Variants in PREX2 observed in about 807,000 individuals in gnomAD.
PREX2 encodes the protein phosphatidylinositol-3,4,5-trisphosphate dependent Rac exchange factor 2.
Under a neutral mutation model 203.2 loss-of-function variants are expected in PREX2, and 107 were observed. The ratio of observed to expected loss-of-function variants is 0.53; its 90% confidence interval spans 0.45 to 0.62. The LOEUF (loss-of-function observed/expected upper bound fraction) is 0.62. Among genes scored for constraint, PREX2 ranks in the 20% least tolerant of loss-of-function variants. The pLI is 0.00. For missense variants in PREX2, 1,777 were observed against 1,955.9 expected (o/e 0.91, Z 1.72); for synonymous variants, 672 against 663.6 (o/e 1.01, Z -0.19).
At chr8:67,988,326 G>A (rs1806496355) in intron 1 of PREX2, among the ~76,000 whole-genome samples, 2 of 152,320 alleles carry the variant, frequency 1.3e-5, no homozygotes, top group Middle Eastern at 3.4e-3. Context: ...ACTGGACTTT[G>A]AAACCAATTT....
At chr8:68,174,841 G>T (rs1223569066) in intron 35 of PREX2, among the ~76,000 whole-genome samples, 1 of 152,188 alleles carries the variant, frequency 6.6e-6, no homozygotes. Context: ...AACAGAGGCA[G>T]GTTCTTGACT....
rs1156549609 is a variant in PREX2, at chr8:67,961,600, A to G, written c.141+9065A>G. ...CACTTTTTCCCTGGTATTGAACATA[A>G]CTATTCACATGATGATACATCTAAT... On this transcript the variant is annotated intron_variant, in intron 1 of 39. Transcript: ENST00000288368. Among the ~76,000 whole-genome samples, 3 of 152,258 alleles carry G rather than the reference A, an allele frequency of 2.0e-5. No homozygotes were observed. In the South Asian group the frequency reaches 6.2e-4, roughly 32 times the overall value.
intron 1 of PREX2, among the ~76,000 whole-genome samples, chr8:68,017,415 A>G (rs573433778): frequency 5.1e-4 from 78 of 152,224 alleles, no homozygotes; most frequent in Non-Finnish European, 8.8e-4. Context: ...CACTCAACCT[A>G]CCTACCTATC....
At chr8:68,101,584 G>T (rs1285665394) in intron 23 of PREX2, among the ~76,000 whole-genome samples, 2 of 152,132 alleles carry the variant, frequency 1.3e-5, no homozygotes, top group Admixed American at 6.5e-5. Context: ...AAACATGACC[G>T]TGCTTTGAAG....
rs377174276 is a variant in PREX2, at chr8:68,120,188, A to T, written c.3505-8A>T. ...AATATGTAACTCGGAAATCTCTACT[A>T]TTGATAGGTGGATTCAATTACCAAT... On this transcript the variant is annotated splice_region_variant and splice_polypyrimidine_tract_variant and intron_variant, in intron 28 of 39. Transcript: ENST00000288368. The T allele has an allele frequency of 7.8e-5, 124 of 1,580,610 alleles. No homozygotes were observed. The highest frequency in any genetic ancestry group is 1.0e-4 in the Non-Finnish European group (115 of 1,149,794).
intron 39 of PREX2, among the ~76,000 whole-genome samples, chr8:68,228,184 A>G (rs1813089397): frequency 6.6e-6 from 1 of 152,196 alleles, no homozygotes; most frequent in Non-Finnish European, 1.5e-5. Context: ...ATTACATTCC[A>G]GATGTCGGAT....
At chr8:68,190,482 GA>G (rs1299250536) in intron 35 of PREX2, among the ~76,000 whole-genome samples, 6 of 152,260 alleles carry the variant, frequency 3.9e-5, no homozygotes, top group African/African-American at 1.2e-4. Context: ...AAATAACTCA[GA>G]AACAGAAAAT....
At chr8:68,195,198 G>A (rs1160096955) in intron 37 of PREX2, among the ~76,000 whole-genome samples, 1 of 152,150 alleles carries the variant, frequency 6.6e-6, no homozygotes, top group African/African-American at 2.4e-5. Context: ...AATTAGACTG[G>A]TATTGTATAA....
At chr8:68,099,490 C>T (rs539883998) in intron 22 of PREX2, among the ~76,000 whole-genome samples, 192 bp from the exon 23 acceptor site, 1 of 152,278 alleles carries the variant, frequency 6.6e-6, no homozygotes, top group East Asian at 1.9e-4. Flanking sequence ...ACAGCGCCTC[C>T]TGACTGAAGG....
In PREX2 at chr8:68,233,689, C is replaced by T. The variant is rs1256975879; in HGVS notation, c.*2311C>T. ...CTTCACTTAATCCTCATAATAATGA[C>T]GTGACATGGTACTCTTTTTATCGCG... On this transcript the variant is annotated 3_prime_UTR_variant, in exon 40 of 40. Coordinates refer to ENST00000288368, the MANE Select transcript of PREX2 (RefSeq NM_024870.4). 1.3e-5 allele frequency: 2 copies of T among 152,118 alleles called. No individual in the cohort carries two copies. The highest frequency in any genetic ancestry group is 2.9e-5 in the Non-Finnish European group (2 of 68,038). The allele number at this position is 152,118 out of a possible 1,614,324, so 9.4% of individuals were successfully genotyped here. A position where few individuals can be genotyped will look rare whatever the true frequency, so the allele number is the denominator to read the frequency against.
At chr8:68,053,332 G>A in intron 9 of PREX2, 86 bp downstream of exon 9, 1 of 1,426,374 alleles carries the variant, frequency 7.0e-7, no homozygotes, top group Non-Finnish European at 9.7e-7. Flanking sequence ...TGAGAAAATG[G>A]AAAGGTATAT....
rs536046941 is a variant in PREX2 at position 68,224,225 on chromosome 8, C to T, written c.4708-334C>T. Among the ~76,000 whole-genome samples, 67 of 152,166 alleles carry T rather than the reference C, an allele frequency of 4.4e-4. No homozygotes were observed. In the South Asian group the frequency reaches 4.8e-3, roughly 11 times the overall value. On this transcript the variant is annotated intron_variant, in intron 38 of 39. Transcript: ENST00000288368. ...GTAGAGACAGTCTCACTATGTTTCCCAGGCTGGTCTTGAACTCCCAGGCTT... is the reference window on the plus strand; with the variant it reads ...GTAGAGACAGTCTCACTATGTTTCCTAGGCTGGTCTTGAACTCCCAGGCTT...
chr8:67,986,772 ATC>A (rs1464833168), intron 1 of PREX2, among the ~76,000 whole-genome samples: 1 of 152,110 alleles, frequency 6.6e-6, no homozygotes, highest in East Asian at 1.9e-4. Flanking sequence ...GCTTCAAGTG[ATC>A]TCTAGGACTC....
At chr8:67,997,270 C>G (rs1373783591) in intron 1 of PREX2, among the ~76,000 whole-genome samples, 3 of 152,020 alleles carry the variant, frequency 2.0e-5, no homozygotes, top group Admixed American at 6.6e-5. Flanking sequence ...AATAGTCCCC[C>G]CTTAACCATG....
At chr8:68,130,673 G>T (rs1052538734) in intron 31 of PREX2, among the ~76,000 whole-genome samples, 2 of 152,188 alleles carry the variant, frequency 1.3e-5, no homozygotes, top group Non-Finnish European at 2.9e-5. Flanking sequence ...GGCTTAGAAT[G>T]GTTGGTTGAA....
intron 1 of PREX2, among the ~76,000 whole-genome samples, chr8:67,960,570 C>T (rs56076124): frequency 0.22 from 32,765 of 151,908 alleles, 4,456 homozygotes; most frequent in East Asian, 0.48. Flanking sequence ...GGGAGTGTTC[C>T]GGGAGCCACC....
chr8:68,158,546 T>A (rs558447919), intron 35 of PREX2, among the ~76,000 whole-genome samples: 8 of 152,230 alleles, frequency 5.3e-5, no homozygotes, highest in Admixed American at 5.2e-4. Context: ...TCTCACTGAT[T>A]TACAGAAATA....
chr8:68,011,438 A>AG (rs1168801031), intron 1 of PREX2, among the ~76,000 whole-genome samples: 1 of 151,942 alleles, frequency 6.6e-6, no homozygotes, highest in African/African-American at 2.4e-5. Flanking sequence ...TATTTAAAAA[A>AG]AAACAACATT....
At chr8:68,065,878 G>T (rs1809002933) in intron 11 of PREX2, among the ~76,000 whole-genome samples, 1 of 152,186 alleles carries the variant, frequency 6.6e-6, no homozygotes, top group South Asian at 2.1e-4. Context: ...TAGAGATTTA[G>T]TAGGAGATTC....
Sources: allele counts gnomAD v4.1 joint callset (sites outside exome capture counted in the v4.1 genomes callset), GRCh38; gene constraint gnomAD v4.1.1; transcripts MANE v1.5; gene names NCBI Gene and HGNC (gene_info 2026-07-23, HGNC 2026-07-21).